Variants in ATRX observed in about 807,000 individuals in gnomAD.
ATRX encodes the protein chromatin remodeler ATRX.
ATRX carries 12 observed loss-of-function variants against 172.6 expected under a neutral mutation model. That is an observed-to-expected ratio of 0.07 (90% confidence interval 0.04 to 0.11). The LOEUF is 0.11. ATRX is among the 10% of genes least tolerant of loss of function. ATRX has a pLI of 1.00. For missense variants in ATRX, 1,368 were observed against 1,767.4 expected (o/e 0.77, Z 4.05); for synonymous variants, 674 against 594.7 (o/e 1.13, Z -1.94).
At chrX:77,580,101 GA>G (rs1271208857) in intron 27 of ATRX, among the ~76,000 whole-genome samples, 13 of 111,438 alleles carry the variant, frequency 1.2e-4, no homozygotes, top group Non-Finnish European at 2.3e-4. Context: ...TAAGCTACTT[GA>G]AAATACACAG....
At chrX:77,599,067 T>A (rs782351535) in intron 25 of ATRX, among the ~76,000 whole-genome samples, 9 of 112,189 alleles carry the variant, frequency 8.0e-5, no homozygotes, top group Non-Finnish European at 1.3e-4. Flanking sequence ...TGAATACCAG[T>A]TCTCCTACTC....
At chrX:77,747,535 G>A (rs782052317) in intron 1 of ATRX, among the ~76,000 whole-genome samples, 5 of 111,226 alleles carry the variant, frequency 4.5e-5, no homozygotes, top group Admixed American at 2.9e-4. Context: ...AAAAGGGGGC[G>A]GGGGACTTAA....
At position 77,599,652 on chromosome X, in the gene ATRX, G is replaced by A. The variant is rs1329427203; in HGVS notation, c.5787-72C>T. On this transcript the variant is annotated intron_variant, in intron 24 of 34. Transcript: ENST00000373344. ...AGAAAAGCATAGGAAAGATGTAAAC[G>A]TCAATTATAAGAGGTCAATCAGCAA... 7 of 1,191,256 alleles carry A rather than the reference G, an allele frequency of 5.9e-6. No individual in the cohort carries two copies. In the African/African-American group the frequency reaches 7.1e-5, roughly 12 times the overall value.
intron 34 of ATRX, among the ~76,000 whole-genome samples, chrX:77,519,665 G>C (rs1396647722): frequency 8.9e-6 from 1 of 111,894 alleles, no homozygotes; most frequent in African/African-American, 3.2e-5. Context: ...ACTAATATTG[G>C]TGAGGATGTG....
intron 22 of ATRX, among the ~76,000 whole-genome samples, chrX:77,602,148 G>C (rs1253306378): frequency 9.0e-6 from 1 of 111,459 alleles, no homozygotes; most frequent in Admixed American, 9.6e-5. Flanking sequence ...GGTACTACAG[G>C]CACATGCCAC....
intron 30 of ATRX, among the ~76,000 whole-genome samples, chrX:77,536,400 T>C (rs782367822): frequency 9.0e-6 from 1 of 111,484 alleles, no homozygotes; most frequent in Non-Finnish European, 1.9e-5. Flanking sequence ...ACACTAGTAA[T>C]GGAAGAGACA....
At chrX:77,741,872 C>T (rs1372590086) in intron 1 of ATRX, among the ~76,000 whole-genome samples, 2 of 111,911 alleles carry the variant, frequency 1.8e-5, no homozygotes, top group Non-Finnish European at 3.8e-5. Flanking sequence ...ATTGCCAAAT[C>T]CCAGGTCATG....
At chrX:77,671,860 G>A (rs1325138335) in intron 10 of ATRX, among the ~76,000 whole-genome samples, 2 of 109,997 alleles carry the variant, frequency 1.8e-5, no homozygotes, top group Non-Finnish European at 3.8e-5. Flanking sequence ...AGAAACACTG[G>A]TTATAATGTT....
At position 77,682,774 on chromosome X, in the gene ATRX, T is replaced by G; in HGVS notation, c.2482A>C (p.Met828Leu). Residue 828 changes from methionine to leucine, a missense_variant, in exon 9 of 35, where the codon ATG becomes CTG. Met to Leu is a conservative substitution (Grantham distance 15). This residue lies in a region of ATRX where 843 missense variants were observed against 643.1 expected (regional missense o/e 1.31). Coordinates refer to ENST00000373344, the MANE Select transcript of ATRX (RefSeq NM_000489.6). Reference protein sequence around the residue: ...DSELEKEIKSMSKIGAARTTK... With the variant: ...DSELEKEIKSLSKIGAARTTK... ...GTTCTGGCAGCACCAATTTTACTCA[T>G]GCTCTTTATCTCTTTTTCTAATTCT... The G allele has an allele frequency of 8.3e-7, 1 of 1,210,966 alleles. No individual in the cohort carries two copies. The highest frequency in any genetic ancestry group is 1.7e-5 in the African/African-American group (1 of 57,760).
intron 13 of ATRX, 60 bp downstream of exon 13, chrX:77,656,500 A>G: frequency 1.1e-6 from 1 of 877,092 alleles, no homozygotes; most frequent in Non-Finnish European, 1.7e-6. Context: ...CATATAAATC[A>G]TTTGAAGGCA....
chrX:77,739,575 TAA>T (rs1386842643), intron 1 of ATRX, among the ~76,000 whole-genome samples: 35 of 110,710 alleles, frequency 3.2e-4, no homozygotes, highest in African/African-American at 1.1e-3. Context: ...AGGGTGCTAA[TAA>T]TAAGAAAAAC....
intron 28 of ATRX, among the ~76,000 whole-genome samples, chrX:77,569,264 T>G (rs138929989): frequency 4.4e-4 from 49 of 111,862 alleles, no homozygotes; most frequent in African/African-American, 1.5e-3. Context: ...ATATTACTCT[T>G]AAGTTTTAAC....
intron 30 of ATRX, 76 bp downstream of exon 30, chrX:77,557,375 G>A (rs1744332549): frequency 1.0e-6 from 1 of 964,158 alleles, no homozygotes; most frequent in Admixed American, 2.2e-5. Context: ...TTAATCAGAT[G>A]ACTAAATTTG....
intron 1 of ATRX, among the ~76,000 whole-genome samples, chrX:77,784,285 C>A (rs782422695): frequency 8.9e-6 from 1 of 111,937 alleles, no homozygotes; most frequent in South Asian, 3.7e-4. Flanking sequence ...TTATAAAGAA[C>A]GACAATAAGC....
intron 30 of ATRX, among the ~76,000 whole-genome samples, chrX:77,545,024 C>G (rs1557052684): frequency 8.9e-6 from 1 of 111,768 alleles, no homozygotes; most frequent in African/African-American, 3.3e-5. Flanking sequence ...TGAAAAAATG[C>G]TCATCATCAC....
chrX:77,748,459 T>C (rs1416361947), intron 1 of ATRX, among the ~76,000 whole-genome samples: 2 of 112,403 alleles, frequency 1.8e-5, no homozygotes, highest in East Asian at 5.5e-4. Flanking sequence ...TTTTATACTT[T>C]ATACCTTTAA....
intron 1 of ATRX, among the ~76,000 whole-genome samples, chrX:77,739,904 T>G (rs1481936622): frequency 9.4e-6 from 1 of 106,869 alleles, no homozygotes; most frequent in African/African-American, 3.4e-5. Context: ...ATAAAAAAAA[T>G]TAGCCAGATA....
intron 9 of ATRX, among the ~76,000 whole-genome samples, chrX:77,678,458 T>C (rs145435538): frequency 1.3e-3 from 142 of 112,422 alleles, no homozygotes; most frequent in African/African-American, 4.3e-3. Flanking sequence ...TGCCATTTAT[T>C]GTGTAGCCCC....
At chrX:77,579,357 T>G (rs2065745116) in intron 27 of ATRX, among the ~76,000 whole-genome samples, 1 of 111,878 alleles carries the variant, frequency 8.9e-6, no homozygotes, top group African/African-American at 3.3e-5. Flanking sequence ...CTCTGCTGGC[T>G]TAAGATCTGA....
Sources: allele counts gnomAD v4.1 joint callset (sites outside exome capture counted in the v4.1 genomes callset), GRCh38; gene constraint gnomAD v4.1.1; regional missense constraint gnomAD v4.1.1; transcripts MANE v1.5; gene names NCBI Gene and HGNC (gene_info 2026-07-23, HGNC 2026-07-21).